TTC39B: variants seen among roughly 807,000 people sequenced by gnomAD.
TTC39B encodes tetratricopeptide repeat domain 39B.
Under a neutral mutation model 96.6 loss-of-function variants are expected in TTC39B, and 92 were observed. The observed-to-expected ratio is 0.95, with a 90% CI of 0.80 to 1.13. The LOEUF (loss-of-function observed/expected upper bound fraction) is 1.13. Among genes scored for constraint, TTC39B ranks in the 50% most tolerant of loss-of-function variants. The pLI, the probability that TTC39B is intolerant of heterozygous loss-of-function variation, is 0.00. For synonymous variants in TTC39B, 367 were observed against 299.4 expected (o/e 1.23, Z -2.33); for missense variants, 955 against 809.3 (o/e 1.18, Z -2.18).
chr9:15,276,614 G>C (rs140737661), intron 1 of TTC39B, among the ~76,000 whole-genome samples: 110 of 152,282 alleles, frequency 7.2e-4, no homozygotes, highest in African/African-American at 2.6e-3. Context: ...TACTCCCTAA[G>C]TACTACGCAC....
intron 18 of TTC39B, among the ~76,000 whole-genome samples, chr9:15,175,587 T>TAA (rs1218671660): frequency 3.3e-5 from 5 of 152,116 alleles, no homozygotes; most frequent in Non-Finnish European, 5.9e-5. Flanking sequence ...TTTTCAGCAC[T>TAA]ATTAGGAGAA....
chr9:15,164,765 T>G (rs116401320), exon 20 of TTC39B: 3 of 152,126 alleles, frequency 2.0e-5, no homozygotes, highest in Admixed American at 6.5e-5. Context: ...AGACTACTTA[T>G]GGAATTTTCC....
At chr9:15,188,010 G>A (rs1418318936) in exon 14 of TTC39B, 3 of 1,612,346 alleles carry the variant, frequency 1.9e-6, no homozygotes, top group Non-Finnish European at 8.5e-7. Context: ...GATCTGAATA[G>A]TAATATGCCT....
At chr9:15,199,666 C>T (rs28727927) in intron 8 of TTC39B, among the ~76,000 whole-genome samples, 195 bp downstream of exon 8, 4 of 126,000 alleles carry the variant, frequency 3.2e-5, no homozygotes, top group African/African-American at 1.2e-4. Context: ...ACCTGAGAGG[C>T]GGAGCTTGCA....
At chr9:15,183,303 G>A in intron 16 of TTC39B, 1 of 414,078 alleles carries the variant, frequency 2.4e-6, no homozygotes, top group Admixed American at 3.2e-5. Flanking sequence ...ACAATTTATT[G>A]CTGCTAATAG....
chr9:15,246,516 G>C (rs1424234748), intron 2 of TTC39B, among the ~76,000 whole-genome samples: 2 of 152,162 alleles, frequency 1.3e-5, no homozygotes, highest in Non-Finnish European at 2.9e-5. Flanking sequence ...TTCCTGTCAA[G>C]AAGTGAGGTC....
intron 2 of TTC39B, among the ~76,000 whole-genome samples, chr9:15,256,243 C>A (rs1422847990): frequency 6.6e-6 from 1 of 151,968 alleles, no homozygotes; most frequent in African/African-American, 2.4e-5. Flanking sequence ...CGTGAGGACA[C>A]AAAGAAGGCA....
At chr9:15,166,950 A>C (rs1817527801) in exon 20 of TTC39B, 1 of 124,876 alleles carries the variant, frequency 8.0e-6, no homozygotes, top group African/African-American at 2.9e-5. Context: ...ATTATTCTCT[A>C]AATGGGTAAC....
At chr9:15,184,012 C>T (rs2118658415) in intron 16 of TTC39B, among the ~76,000 whole-genome samples, 1 of 152,196 alleles carries the variant, frequency 6.6e-6, no homozygotes, top group East Asian at 1.9e-4. Context: ...ATTGTTCTTT[C>T]TCATAGAATG....
chr9:15,179,719 T>C (rs886667047), intron 17 of TTC39B, among the ~76,000 whole-genome samples: 1 of 152,212 alleles, frequency 6.6e-6, no homozygotes, highest in African/African-American at 2.4e-5. Flanking sequence ...GAGTTTCCTG[T>C]AGCATTGTAT....
chr9:15,178,619 C>T (rs1275541903), intron 17 of TTC39B, among the ~76,000 whole-genome samples: 4 of 152,198 alleles, frequency 2.6e-5, no homozygotes, highest in Non-Finnish European at 5.9e-5. Context: ...TATATCAGAA[C>T]ATCATTTTAT....
intron 1 of TTC39B, among the ~76,000 whole-genome samples, chr9:15,270,994 G>A (rs1823329898): frequency 6.6e-6 from 1 of 152,166 alleles, no homozygotes; most frequent in African/African-American, 2.4e-5. Flanking sequence ...CCAACATACA[G>A]CAAGTTAAGC....
intron 2 of TTC39B, among the ~76,000 whole-genome samples, chr9:15,254,930 C>A (rs887484785): frequency 6.7e-6 from 1 of 149,570 alleles, no homozygotes; most frequent in Non-Finnish European, 1.5e-5. Context: ...ACTTTCCTAA[C>A]TACTAAAATA....
intron 2 of TTC39B, among the ~76,000 whole-genome samples, chr9:15,228,650 G>A (rs2131415308): frequency 6.6e-6 from 1 of 152,240 alleles, no homozygotes; most frequent in South Asian, 2.1e-4. Context: ...TATTTGTCTT[G>A]CTTCTTTAAA....
exon 2 of TTC39B, chr9:15,267,940 G>A (rs779430406): frequency 1.2e-5 from 19 of 1,610,036 alleles, no homozygotes; most frequent in East Asian, 8.9e-5. Context: ...AGGCATCTTC[G>A]AAAACGTCCT....
At chr9:15,262,772 C>T (rs7855226) in intron 2 of TTC39B, among the ~76,000 whole-genome samples, 45,518 of 152,038 alleles carry the variant, frequency 0.3, 10,969 homozygotes, top group African/African-American at 0.67. Context: ...AGAGAAAATA[C>T]TCACTGGAAG....
At chr9:15,184,692 TG>T (rs1453069955) in intron 16 of TTC39B, among the ~76,000 whole-genome samples, 2 of 152,232 alleles carry the variant, frequency 1.3e-5, no homozygotes, top group Non-Finnish European at 2.9e-5. Context: ...TTATGGCTCT[TG>T]AGCACTGGAA....
At chr9:15,226,973 T>A (rs2131408381) in intron 2 of TTC39B, among the ~76,000 whole-genome samples, 1 of 152,134 alleles carries the variant, frequency 6.6e-6, no homozygotes, top group African/African-American at 2.4e-5. Flanking sequence ...TTTTGCGTGT[T>A]TTTTTGTGGT....
chr9:15,238,877 TA>T (rs1821908514), intron 2 of TTC39B, among the ~76,000 whole-genome samples: 1 of 152,132 alleles, frequency 6.6e-6, no homozygotes, highest in South Asian at 2.1e-4. Flanking sequence ...TCCTAGCAAC[TA>T]AGGAGGCTTA....
Sources: allele counts gnomAD v4.1 joint callset (sites outside exome capture counted in the v4.1 genomes callset), GRCh38; gene constraint gnomAD v4.1.1; transcripts MANE v1.5; gene names NCBI Gene and HGNC (gene_info 2026-07-23, HGNC 2026-07-21).